Variants in CNTLN observed in about 807,000 individuals in gnomAD.
CNTLN encodes centlein, centrosomal protein.
CNTLN carries 212 observed loss-of-function variants against 180.0 expected under a neutral mutation model. That is an observed-to-expected ratio of 1.18 (90% CI 1.05 to 1.32). CNTLN has a LOEUF of 1.32. Among genes scored for constraint, CNTLN ranks in the 40% most tolerant of loss-of-function variants. The pLI, the probability that CNTLN is intolerant of heterozygous loss-of-function variation, is 0.00. For missense variants in CNTLN, 2,095 were observed against 1,610.9 expected, an observed-to-expected ratio of 1.30 and a Z score of -5.14; for synonymous variants, 722 against 563.1, an observed-to-expected ratio of 1.28 and a Z score of -3.99.
chr9:17,354,836 C>A (rs1273571738), intron 12 of CNTLN, among the ~76,000 whole-genome samples: 1 of 152,102 alleles, frequency 6.6e-6, no homozygotes, highest in Non-Finnish European at 1.5e-5. Flanking sequence ...ATAAATCTTG[C>A]TATTGCTCAC....
intron 3 of CNTLN, among the ~76,000 whole-genome samples, chr9:17,230,515 C>T (rs931655250): frequency 6.6e-6 from 1 of 151,672 alleles, no homozygotes; most frequent in Non-Finnish European, 1.5e-5. Context: ...TTCCCCCCTC[C>T]CCTTACCCCC....
At chr9:17,218,483 A>C (rs535212576) in intron 2 of CNTLN, among the ~76,000 whole-genome samples, 171 of 152,250 alleles carry the variant, frequency 1.1e-3, no homozygotes, top group Non-Finnish European at 2.1e-3. Context: ...ATAAGAAGAA[A>C]TACTTATAAA....
chr9:17,166,930 G>A (rs1486598383), intron 2 of CNTLN: 1 of 452,158 alleles, frequency 2.2e-6, no homozygotes, highest in Admixed American at 2.6e-5. Flanking sequence ...GATATTCCAA[G>A]GTGAAGATGA....
At chr9:17,306,740 A>G (rs1053052758) in intron 7 of CNTLN, among the ~76,000 whole-genome samples, 20 of 152,198 alleles carry the variant, frequency 1.3e-4, no homozygotes, top group African/African-American at 4.8e-4. Flanking sequence ...AATATTTGAA[A>G]TATGTGAATT....
At chr9:17,329,958 A>G (rs1820537663) in intron 8 of CNTLN, among the ~76,000 whole-genome samples, 1 of 151,948 alleles carries the variant, frequency 6.6e-6, no homozygotes, top group Non-Finnish European at 1.5e-5. Flanking sequence ...ATGGGTTTTA[A>G]TGGCCTCAAA....
At chr9:17,513,060 C>T in the CNTLN span, among the ~76,000 whole-genome samples, 1 of 152,138 alleles carries the variant, frequency 6.6e-6, no homozygotes, top group African/African-American at 2.4e-5. Context: ...ACCTCGTGAT[C>T]CGCCCTCCTT....
intron 2 of CNTLN, among the ~76,000 whole-genome samples, chr9:17,148,712 T>C (rs1312478935): frequency 6.6e-6 from 1 of 152,228 alleles, no homozygotes; most frequent in African/African-American, 2.4e-5. Context: ...AAGCAGAGTG[T>C]CACTTTATTT....
At chr9:17,457,494 T>C in intron 18 of CNTLN, 30 bp from the exon 19 acceptor site, 1 of 1,153,408 alleles carries the variant, frequency 8.7e-7, no homozygotes, top group East Asian at 3.1e-5. Flanking sequence ...TAAAATATAT[T>C]TATATTTATT....
At chr9:17,233,971 A>G (rs1563906856) in intron 3 of CNTLN, among the ~76,000 whole-genome samples, 1 of 152,144 alleles carries the variant, frequency 6.6e-6, no homozygotes, top group Non-Finnish European at 1.5e-5. Flanking sequence ...CATTTATGAG[A>G]TATCAAAGAT....
chr9:17,437,808 T>C (rs1192290414), intron 18 of CNTLN, among the ~76,000 whole-genome samples: 1 of 152,162 alleles, frequency 6.6e-6, no homozygotes, highest in Admixed American at 6.5e-5. Flanking sequence ...TATAGAGATA[T>C]ATATGTATAT....
intron 12 of CNTLN, among the ~76,000 whole-genome samples, chr9:17,350,297 C>T (rs1174525781): frequency 6.6e-6 from 1 of 152,126 alleles, no homozygotes; most frequent in Non-Finnish European, 1.5e-5. Context: ...TTTCTGTGAC[C>T]TTGGCTAAGT....
chr9:17,356,074 A>AC (rs1470385199), intron 12 of CNTLN, among the ~76,000 whole-genome samples: 3 of 113,844 alleles, frequency 2.6e-5, no homozygotes, highest in Non-Finnish European at 5.5e-5. Context: ...AAAAAAAAAA[A>AC]AAAAAAAGAA....
intron 12 of CNTLN, among the ~76,000 whole-genome samples, chr9:17,363,545 A>G (rs1027250666): frequency 6.7e-6 from 1 of 148,720 alleles, no homozygotes; most frequent in African/African-American, 2.5e-5. Flanking sequence ...TATTTTTTAT[A>G]TTTATTTTTT....
At chr9:17,411,185 A>G (rs1827815164) in intron 16 of CNTLN, among the ~76,000 whole-genome samples, 2 of 152,110 alleles carry the variant, frequency 1.3e-5, no homozygotes, top group South Asian at 4.1e-4. Flanking sequence ...ATTTTGCTTC[A>G]TGTATCCTGG....
At chr9:17,401,514 AG>A (rs1215172385) in intron 15 of CNTLN, among the ~76,000 whole-genome samples, 1 of 151,732 alleles carries the variant, frequency 6.6e-6, no homozygotes, top group Non-Finnish European at 1.5e-5. Flanking sequence ...CTGAGACTAC[AG>A]CACGTGCTAC....
At chr9:17,378,179 C>T (rs1587827021) in intron 13 of CNTLN, among the ~76,000 whole-genome samples, 1 of 151,894 alleles carries the variant, frequency 6.6e-6, no homozygotes, top group South Asian at 2.1e-4. Context: ...CATGTTTTAT[C>T]GTTCTTTTGT....
At chr9:17,168,561 G>GATCTGTA (rs1384662902) in intron 2 of CNTLN, 1 of 152,078 alleles carries the variant, frequency 6.6e-6, no homozygotes, top group Non-Finnish European at 1.5e-5. Flanking sequence ...ATATGTGACT[G>GATCTGTA]TTCATGCTGA....
Position 17,235,655 on chromosome 9 carries a change from C to A in CNTLN, c.535-3C>A. ...CACCAGTAATTTAAATTTTTTTCCA[C>A]AGAGAGAGTCAGTACTGAAACAGGA... On this transcript the variant is annotated splice_polypyrimidine_tract_variant and splice_region_variant and intron_variant, in intron 3 of 25. Transcript: ENST00000380647. 1 of 1,558,496 alleles carries A rather than the reference C, an allele frequency of 6.4e-7. No homozygotes were observed. Among genetic ancestry groups the A allele is most frequent in the Non-Finnish European group, 8.6e-7 (1 of 1,159,944 alleles).
chr9:17,279,066 C>T (rs1759613), intron 6 of CNTLN, among the ~76,000 whole-genome samples: 73,673 of 151,524 alleles, frequency 0.49, 18,885 homozygotes, highest in South Asian at 0.69. Context: ...CAAACTGATA[C>T]GAAAAACCTT....
Sources: gnomAD v4.1 joint callset for allele counts (sites outside exome capture counted in the v4.1 genomes callset) on GRCh38, gnomAD v4.1.1 for gene constraint, MANE v1.5 for transcripts, NCBI Gene and HGNC (gene_info 2026-07-23, HGNC 2026-07-21) for gene names.